BMPR1B: variants seen among roughly 807,000 people sequenced by gnomAD.
The protein encoded by BMPR1B is bone morphogenetic protein receptor type 1B.
Under a neutral mutation model 59.1 loss-of-function variants are expected in BMPR1B, and 12 were observed. That is an observed-to-expected ratio of 0.20 (90% CI 0.13 to 0.33). BMPR1B has a LOEUF of 0.33. Ranked by LOEUF, BMPR1B falls within the 10% of genes least tolerant of loss-of-function variation. The pLI is 1.00. For synonymous variants in BMPR1B, 237 were observed against 207.3 expected (o/e 1.14, Z -1.23); for missense variants, 550 against 610.9 (o/e 0.90, Z 1.05).
intron 3 of BMPR1B, among the ~76,000 whole-genome samples, chr4:95,077,798 C>T (rs1002717511): frequency 5.3e-5 from 8 of 152,170 alleles, no homozygotes; most frequent in African/African-American, 1.4e-4. Flanking sequence ...ATCTGTTTAA[C>T]ATACACATAT....
At chr4:94,897,941 CTTTTTTTTT>C (rs869186341) in intron 2 of BMPR1B, among the ~76,000 whole-genome samples, 1 of 90,330 alleles carries the variant, frequency 1.1e-5, no homozygotes, top group African/African-American at 4.4e-5. Context: ...AATTCTTTTC[CTTTTTTTTT>C]TTTTTTTTTT....
intron 2 of BMPR1B, among the ~76,000 whole-genome samples, chr4:94,881,027 A>G (rs1265231140): frequency 2.6e-5 from 4 of 152,160 alleles, no homozygotes; most frequent in Admixed American, 6.5e-5. Context: ...CTTGCATAAT[A>G]TTGCCATTTT....
At chr4:94,986,062 T>C (rs1721385828) in intron 2 of BMPR1B, among the ~76,000 whole-genome samples, 1 of 152,168 alleles carries the variant, frequency 6.6e-6, no homozygotes, top group Non-Finnish European at 1.5e-5. Context: ...TTTGTATATA[T>C]TTTTCCAAAC....
At chr4:95,037,714 G>A (rs1203248057) in intron 3 of BMPR1B, among the ~76,000 whole-genome samples, 1 of 152,132 alleles carries the variant, frequency 6.6e-6, no homozygotes, top group Non-Finnish European at 1.5e-5. Context: ...CAGAGGGCAA[G>A]CCAGGATTTG....
intron 2 of BMPR1B, among the ~76,000 whole-genome samples, chr4:94,915,179 C>T (rs1387241576): frequency 3.3e-5 from 5 of 152,172 alleles, no homozygotes; most frequent in Non-Finnish European, 7.4e-5. Flanking sequence ...ATCACCTTTC[C>T]ATGCTTTGAA....
chr4:95,044,608 A>G (rs986797018), intron 3 of BMPR1B, among the ~76,000 whole-genome samples: 3 of 152,214 alleles, frequency 2.0e-5, no homozygotes, highest in African/African-American at 7.2e-5. Context: ...GGACCTTGGC[A>G]GAGCAATGAA....
At chr4:94,941,341 A>G (rs539915215) in intron 2 of BMPR1B, among the ~76,000 whole-genome samples, 1 of 152,064 alleles carries the variant, frequency 6.6e-6, no homozygotes, top group Admixed American at 6.5e-5. Flanking sequence ...CTGAGGCTGG[A>G]GAACTGCTTG....
chr4:95,024,220 TAAAG>T (rs1380255360), intron 3 of BMPR1B, among the ~76,000 whole-genome samples: 1 of 152,348 alleles, frequency 6.6e-6, no homozygotes, highest in South Asian at 2.1e-4. Flanking sequence ...TCTTTGTAAT[TAAAG>T]AAGTGACTTT....
chr4:95,102,749 G>A lies in BMPR1B; in HGVS notation c.-17-1659G>A, dbSNP rs998416986. Reference sequence around the variant, plus strand: ...AACTATTTAACCTCACTTTATTTGGGAATTTAACCTAAGGACGAGCATACT... The same window carrying A: ...AACTATTTAACCTCACTTTATTTGGAAATTTAACCTAAGGACGAGCATACT... On this transcript the variant is annotated intron_variant, in intron 3 of 12. Coordinates refer to ENST00000515059, the MANE Select transcript of BMPR1B (RefSeq NM_001203.3). Among the ~76,000 whole-genome samples the A allele has an allele frequency of 5.3e-5, 8 of 152,136 alleles. 1 individual carries two copies. Among genetic ancestry groups the A allele is most frequent in the African/African-American group, 1.7e-4 (7 of 41,524 alleles).
chr4:94,784,820 C>T (rs150297072), intron 1 of BMPR1B, among the ~76,000 whole-genome samples: 46 of 152,280 alleles, frequency 3.0e-4, no homozygotes, highest in African/African-American at 1.0e-3. Context: ...AAAGCCCTGG[C>T]CATTTTCATT....
intron 3 of BMPR1B, among the ~76,000 whole-genome samples, chr4:95,089,690 T>C (rs1176996703): frequency 6.6e-6 from 1 of 152,078 alleles, no homozygotes; most frequent in Non-Finnish European, 1.5e-5. Context: ...AACACAATTA[T>C]TATAATAACA....
At chr4:94,888,910 T>C (rs1012106313) in intron 2 of BMPR1B, among the ~76,000 whole-genome samples, 21 of 151,840 alleles carry the variant, frequency 1.4e-4, no homozygotes, top group African/African-American at 4.4e-4. Context: ...AAGGAAACCA[T>C]TGTTTCTTAC....
At chr4:95,080,219 T>C (rs1002095951) in intron 3 of BMPR1B, among the ~76,000 whole-genome samples, 37 of 152,246 alleles carry the variant, frequency 2.4e-4, no homozygotes, top group African/African-American at 8.7e-4. Context: ...ATATTTTATG[T>C]ATGTATGTAT....
At chr4:94,970,646 T>A (rs574342733) in intron 2 of BMPR1B, among the ~76,000 whole-genome samples, 2 of 152,304 alleles carry the variant, frequency 1.3e-5, no homozygotes, top group South Asian at 4.1e-4. Flanking sequence ...TTTTTATTTT[T>A]AATTTTTATG....
chr4:95,092,544 GT>G (rs1730069371), intron 3 of BMPR1B, among the ~76,000 whole-genome samples: 3 of 152,002 alleles, frequency 2.0e-5, no homozygotes, highest in Admixed American at 2.0e-4. Context: ...TGATAATAGT[GT>G]TTAGCTTGAA....
intron 10 of BMPR1B, among the ~76,000 whole-genome samples, chr4:95,134,037 C>T (rs571300926): frequency 7.1e-4 from 108 of 152,208 alleles, no homozygotes; most frequent in African/African-American, 2.5e-3. Context: ...CTCCACCCCA[C>T]GACAGGCCTG....
intron 1 of BMPR1B, among the ~76,000 whole-genome samples, chr4:94,789,300 G>T (rs955919364): frequency 1.3e-5 from 2 of 152,136 alleles, no homozygotes; most frequent in Admixed American, 1.3e-4. Flanking sequence ...AATGGTCAAC[G>T]TTGAGTGCTT....
chr4:95,151,998 T>C (rs1049492675), intron 11 of BMPR1B, among the ~76,000 whole-genome samples: 6 of 152,222 alleles, frequency 3.9e-5, no homozygotes, highest in Admixed American at 1.3e-4. Context: ...TAGATTTATA[T>C]TTCTTTTCTT....
intron 2 of BMPR1B, among the ~76,000 whole-genome samples, chr4:94,983,630 G>C (rs770395367): frequency 3.3e-5 from 5 of 152,080 alleles, no homozygotes; most frequent in Non-Finnish European, 7.4e-5. Context: ...ACCACTTAAG[G>C]CCCTAACTCC....
Sources: allele counts gnomAD v4.1 joint callset (sites outside exome capture counted in the v4.1 genomes callset), GRCh38; gene constraint gnomAD v4.1.1; transcripts MANE v1.5; gene names NCBI Gene and HGNC (gene_info 2026-07-23, HGNC 2026-07-21).